The following EHD4 variants were observed in gnomAD, a reference collection of about 807,000 sequenced individuals.
EHD4 encodes the protein EH domain-containing protein 4.
Under a neutral mutation model 51.0 loss-of-function variants are expected in EHD4, and 37 were observed. That is an observed-to-expected ratio of 0.73 (90% CI 0.56 to 0.95). EHD4 has a LOEUF of 0.95. Ranked by LOEUF, EHD4 falls within the 40% of genes least tolerant of loss-of-function variation. EHD4 has a pLI of 0.00. For synonymous variants in EHD4, 297 were observed against 317.3 expected (o/e 0.94, Z 0.68); for missense variants, 632 against 733.1 (o/e 0.86, Z 1.59).
At chr15:41,902,549 T>A (rs902123182) in intron 5 of EHD4, among the ~76,000 whole-genome samples, 1 of 151,942 alleles carries the variant, frequency 6.6e-6, no homozygotes, top group African/African-American at 2.4e-5. Flanking sequence ...GGACTTGACA[T>A]AACACAGTGA....
Position 41,900,696 on chromosome 15 carries a change from G to A in EHD4, c.1575C>T (p.Pro525=). 1 of 1,606,660 alleles carries A rather than the reference G, an allele frequency of 6.2e-7. No homozygotes were observed. Among genetic ancestry groups the A allele is most frequent in the Non-Finnish European group, 8.5e-7 (1 of 1,179,202 alleles). ...TGTGCGAGGGGGGCACGAGGTGGGG[G>A]GGCAGGCTGCTGGGCAGCTCGTAGC... ...LDGYELPSSL[P]PHLVPPSHRK... The change falls in exon 6 of 6, where the codon CCC becomes CCT. Residue 525 remains proline, a synonymous_variant. Transcript: ENST00000220325. The surrounding 1 kb of genome is among the most constrained non-coding windows in gnomAD (Gnocchi z 4.8).
At chr15:41,904,260 G>A (rs1438543647) in intron 5 of EHD4, among the ~76,000 whole-genome samples, 1 of 152,184 alleles carries the variant, frequency 6.6e-6, no homozygotes, top group Non-Finnish European at 1.5e-5. Context: ...AAAACTGGCA[G>A]GGGGAGTGGC....
chr15:41,902,634 C>T (rs184174736), intron 5 of EHD4, among the ~76,000 whole-genome samples: 2 of 151,974 alleles, frequency 1.3e-5, no homozygotes, highest in East Asian at 3.9e-4. Context: ...AGGGGCCAGG[C>T]TCAGTGGCTC....
intron 4 of EHD4, among the ~76,000 whole-genome samples, chr15:41,917,995 G>A (rs907738895): frequency 1.3e-5 from 2 of 152,132 alleles, no homozygotes; most frequent in African/African-American, 4.8e-5. Flanking sequence ...CAGCCAGGAC[G>A]GTGTTTGTTT....
intron 1 of EHD4, among the ~76,000 whole-genome samples, chr15:41,956,611 C>G (rs776975602): frequency 6.6e-6 from 1 of 152,214 alleles, no homozygotes; most frequent in Non-Finnish European, 1.5e-5. Flanking sequence ...CCAGAGTTTT[C>G]TAAGTAGCGA....
intron 1 of EHD4, among the ~76,000 whole-genome samples, chr15:41,966,653 T>G (rs1360230879): frequency 2.0e-5 from 3 of 152,144 alleles, no homozygotes; most frequent in African/African-American, 7.2e-5. Flanking sequence ...GAACACAACA[T>G]GAGGAGGGCC....
chr15:41,969,470 C>T (rs943294944), intron 1 of EHD4, among the ~76,000 whole-genome samples: 1 of 151,950 alleles, frequency 6.6e-6, no homozygotes, highest in Non-Finnish European at 1.5e-5. Flanking sequence ...TGCTTGAACC[C>T]GGGAGGGGGA....
chr15:41,900,332 G>C lies in EHD4; in HGVS notation c.*313C>G. The stretch of plus-strand genomic sequence containing the variant: ...CTTAGCTCACTTCCTGTGGTTCCTG[G>C]GACTTACCAGGCCCACCCCCATGCG... On this transcript the variant is annotated 3_prime_UTR_variant, in exon 6 of 6. Transcript: ENST00000220325. The surrounding 1 kb of genome is among the most constrained non-coding windows in gnomAD (Gnocchi z 4.8). 2.8e-6 allele frequency: 1 copy of C among 360,286 alleles called. No homozygotes were observed. The highest frequency in any genetic ancestry group is 5.0e-6 in the Non-Finnish European group (1 of 198,256). 22.3% of individuals were successfully genotyped at this position (360,286 alleles called of 1,614,324 possible). A position where few individuals can be genotyped will look rare whatever the true frequency, so the allele number is the denominator to read the frequency against.
chr15:41,920,473 T>C (rs922512306), intron 3 of EHD4, among the ~76,000 whole-genome samples: 5 of 152,242 alleles, frequency 3.3e-5, no homozygotes, highest in Admixed American at 6.5e-5. Context: ...GTCTGACTAG[T>C]TGCAGAAGCA....
chr15:41,932,841 C>G (rs1417913092), intron 3 of EHD4, among the ~76,000 whole-genome samples: 1 of 152,204 alleles, frequency 6.6e-6, no homozygotes, highest in African/African-American at 2.4e-5. Context: ...GTCTGAGTCC[C>G]AGGACTCGGC....
At chr15:41,929,906 G>A (rs2067687591) in intron 3 of EHD4, among the ~76,000 whole-genome samples, 1 of 152,158 alleles carries the variant, frequency 6.6e-6, no homozygotes, top group Non-Finnish European at 1.5e-5. Flanking sequence ...CCTTCAGATG[G>A]CTACAGTAGA....
rs1313049297 is a variant in EHD4 at position 41,900,213 on chromosome 15, C to T, written c.*432G>A. On this transcript the variant is annotated 3_prime_UTR_variant, in exon 6 of 6. Coordinates refer to ENST00000220325, the MANE Select transcript of EHD4 (RefSeq NM_139265.4). This position sits in a 1 kb window ranked among gnomAD's most constrained non-coding sequence, Gnocchi z 4.8. ...ATAAATAAGATAATCTTTGCTGCCT[C>T]CAGGTGCCCTCTGAGGGACAGACAG... The T allele has an allele frequency of 5.5e-6, 1 of 180,292 alleles. No homozygotes were observed. Among genetic ancestry groups the T allele is most frequent in the Non-Finnish European group, 1.1e-5 (1 of 87,198 alleles). The allele number at this position is 180,292 out of a possible 1,614,324, so 11.2% of individuals were successfully genotyped here. A position where few individuals can be genotyped will look rare whatever the true frequency, so the allele number is the denominator to read the frequency against.
intron 3 of EHD4, among the ~76,000 whole-genome samples, chr15:41,931,955 G>A (rs1193455434): frequency 6.6e-6 from 1 of 151,910 alleles, no homozygotes; most frequent in African/African-American, 2.4e-5. Flanking sequence ...GATTACAGGT[G>A]TGAGCCGCCG....
chr15:41,961,396 T>C lies in EHD4; in HGVS notation c.237-7456A>G, dbSNP rs534483612. Among the ~76,000 whole-genome samples, 207 of 152,364 alleles carry C rather than the reference T, an allele frequency of 1.4e-3. 1 individual carries two copies. The highest frequency in any genetic ancestry group is 4.8e-3 in the African/African-American group (198 of 41,584). ...AGTCATGCAATGACTATTTATTGAG[T>C]GTTTTTGATGTTGTAACTTGTAATT... On this transcript the variant is annotated intron_variant, in intron 1 of 5. Coordinates refer to ENST00000220325, the MANE Select transcript of EHD4 (RefSeq NM_139265.4).
chr15:41,934,154 C>T (rs1407812868), intron 3 of EHD4, among the ~76,000 whole-genome samples: 2 of 152,078 alleles, frequency 1.3e-5, no homozygotes, highest in African/African-American at 2.4e-5. Flanking sequence ...CCAGCCCCTT[C>T]TTTCACTTGT....
chr15:41,928,742 G>T (rs2067679080), intron 3 of EHD4: 1 of 152,292 alleles, frequency 6.6e-6, no homozygotes, highest in Admixed American at 6.5e-5. Context: ...ACCACCCTGA[G>T]GGGGAAGCAG....
At chr15:41,914,824 C>T (rs981071565) in intron 4 of EHD4, among the ~76,000 whole-genome samples, 28 of 141,688 alleles carry the variant, frequency 2.0e-4, no homozygotes, top group African/African-American at 5.6e-4. Flanking sequence ...CTTGCTTTGT[C>T]GCCCAGGCTG....
At chr15:41,914,888 T>C (rs2140986672) in intron 4 of EHD4, among the ~76,000 whole-genome samples, 1 of 151,884 alleles carries the variant, frequency 6.6e-6, no homozygotes, top group South Asian at 2.1e-4. Flanking sequence ...TGGGTTCAAG[T>C]GATTCTCCTG....
At chr15:41,937,589 T>C (rs576882860) in intron 3 of EHD4, among the ~76,000 whole-genome samples, 2 of 152,312 alleles carry the variant, frequency 1.3e-5, no homozygotes, top group South Asian at 4.1e-4. Flanking sequence ...CATTTCTTTT[T>C]TGCATATGTG....
Sources: allele counts gnomAD v4.1 joint callset (sites outside exome capture counted in the v4.1 genomes callset), GRCh38; gene constraint gnomAD v4.1.1; non-coding constraint Gnocchi (gnomAD v3.1); transcripts MANE v1.5; gene names NCBI Gene and HGNC (gene_info 2026-07-23, HGNC 2026-07-21).